VPS13B: variants seen among roughly 807,000 people sequenced by gnomAD.
VPS13B encodes intermembrane lipid transfer protein VPS13B.
VPS13B carries 285 observed loss-of-function variants against 426.4 expected under a neutral mutation model. The ratio of observed to expected loss-of-function variants is 0.67; its 90% CI spans 0.61 to 0.74. The LOEUF (loss-of-function observed/expected upper bound fraction) is 0.74, where lower values mean the gene tolerates loss of function less well. Ranked by LOEUF, VPS13B falls within the 30% of genes least tolerant of loss-of-function variation. The pLI is 0.00. For missense variants in VPS13B, 4,537 were observed against 4,782.6 expected, an observed-to-expected ratio of 0.95 and a Z score of 1.51; for synonymous variants, 1,676 against 1,676.4, an observed-to-expected ratio of 1.00 and a Z score of 0.01.
At chr8:99,117,090 A>G (rs1847698458) in intron 7 of VPS13B, among the ~76,000 whole-genome samples, 1 of 152,188 alleles carries the variant, frequency 6.6e-6, no homozygotes, top group Non-Finnish European at 1.5e-5. Flanking sequence ...CCTGAGACTC[A>G]GAAAGTTTTC....
chr8:99,327,394 G>T (rs1810332571), intron 19 of VPS13B, among the ~76,000 whole-genome samples: 1 of 152,112 alleles, frequency 6.6e-6, no homozygotes, highest in Admixed American at 6.6e-5. Context: ...AATATAGGTA[G>T]CCAGTCAAAT....
chr8:99,338,254 G>T (rs1432518799), intron 19 of VPS13B, among the ~76,000 whole-genome samples: 2 of 151,914 alleles, frequency 1.3e-5, no homozygotes, highest in Admixed American at 6.6e-5. Context: ...TTTTGATTGG[G>T]ATTTCATTGA....
intron 56 of VPS13B, 70 bp from the exon 57 acceptor site, chr8:99,859,234 C>A: frequency 1.9e-6 from 3 of 1,587,690 alleles, no homozygotes; most frequent in South Asian, 2.2e-5. Context: ...GAAAATGGGT[C>A]ACTTTTTCAC....
chr8:99,158,990 T>C (rs1484787556), intron 15 of VPS13B, among the ~76,000 whole-genome samples: 1 of 152,218 alleles, frequency 6.6e-6, no homozygotes, highest in Non-Finnish European at 1.5e-5. Flanking sequence ...GAAAACCTTT[T>C]GGAAAAGATT....
chr8:99,163,638 C>T (rs541406245), intron 15 of VPS13B, among the ~76,000 whole-genome samples: 11 of 152,334 alleles, frequency 7.2e-5, no homozygotes, highest in Admixed American at 4.6e-4. Context: ...AGCCACTGGC[C>T]GGGGTGCTAA....
intron 3 of VPS13B, among the ~76,000 whole-genome samples, chr8:99,088,051 G>T (rs963377210): frequency 6.6e-6 from 1 of 151,854 alleles, no homozygotes; most frequent in Non-Finnish European, 1.5e-5. Flanking sequence ...GGGCGTGGTG[G>T]CATGCACGTG....
intron 58 of VPS13B, among the ~76,000 whole-genome samples, chr8:99,864,461 G>A (rs1442361579): frequency 6.6e-6 from 1 of 152,144 alleles, no homozygotes; most frequent in Non-Finnish European, 1.5e-5. Flanking sequence ...AGGAGGCTGA[G>A]GTGGATCACT....
At chr8:99,851,936 AG>A (rs1022073926) in intron 55 of VPS13B, among the ~76,000 whole-genome samples, 2 of 152,116 alleles carry the variant, frequency 1.3e-5, no homozygotes, top group Non-Finnish European at 2.9e-5. Context: ...ACAAGCAAGC[AG>A]GGAGACTAGT....
At chr8:99,739,741 A>G (rs929886596) in intron 39 of VPS13B, among the ~76,000 whole-genome samples, 1 of 152,234 alleles carries the variant, frequency 6.6e-6, no homozygotes, top group Non-Finnish European at 1.5e-5. Flanking sequence ...GCAAACTCCA[A>G]CAGACCTGCA....
At chr8:99,487,399 T>C (rs1311836793) in intron 25 of VPS13B, among the ~76,000 whole-genome samples, 3 of 152,172 alleles carry the variant, frequency 2.0e-5, no homozygotes, top group Non-Finnish European at 2.9e-5. Flanking sequence ...TATTAACTTC[T>C]CAATCCTATC....
At chr8:99,568,543 G>A (rs1368822259) in intron 31 of VPS13B, among the ~76,000 whole-genome samples, 1 of 151,752 alleles carries the variant, frequency 6.6e-6, no homozygotes, top group African/African-American at 2.4e-5. Flanking sequence ...CACCCACCTC[G>A]GCCTCCCAAA....
At chr8:99,422,827 C>T (rs556593385) in intron 21 of VPS13B, among the ~76,000 whole-genome samples, 1 of 152,196 alleles carries the variant, frequency 6.6e-6, no homozygotes, top group African/African-American at 2.4e-5. Flanking sequence ...GGTACTCTCT[C>T]ACAGGCTTAC....
chr8:99,341,781 G>A (rs551188030), intron 19 of VPS13B: 278 of 365,542 alleles, frequency 7.6e-4, no homozygotes, highest in Non-Finnish European at 1.3e-3. Context: ...ACCCCCAGGC[G>A]TCCCACCAGA....
At chr8:99,079,540 G>T (rs1845331106) in intron 3 of VPS13B, among the ~76,000 whole-genome samples, 1 of 152,118 alleles carries the variant, frequency 6.6e-6, no homozygotes, top group Non-Finnish European at 1.5e-5. Flanking sequence ...AGTGTTTAAT[G>T]AATATTAAAT....
intron 11 of VPS13B, 52 bp from the exon 12 acceptor site, chr8:99,136,613 C>T: frequency 6.3e-7 from 1 of 1,596,114 alleles, no homozygotes; most frequent in Middle Eastern, 1.7e-4. Context: ...GCTTTAAACT[C>T]AAAAGTTTCT....
chr8:99,476,808 G>A (rs565701430), intron 24 of VPS13B, among the ~76,000 whole-genome samples: 1 of 152,174 alleles, frequency 6.6e-6, no homozygotes, highest in African/African-American at 2.4e-5. Flanking sequence ...ACTGCATACA[G>A]GAAGTACTAA....
chr8:99,408,672 A>G (rs1815461385), intron 21 of VPS13B, among the ~76,000 whole-genome samples: 1 of 152,186 alleles, frequency 6.6e-6, no homozygotes, highest in African/African-American at 2.4e-5. Context: ...AGATCCAGAC[A>G]ATTCCCTGGA....
At chr8:99,132,416 G>C (rs1809854572) in intron 8 of VPS13B, among the ~76,000 whole-genome samples, 1 of 152,092 alleles carries the variant, frequency 6.6e-6, no homozygotes, top group Admixed American at 6.5e-5. Context: ...TTCTTTAGTA[G>C]TTACTTCCTC....
In VPS13B at chr8:99,170,019, A is replaced by G; in HGVS notation, c.2209-20A>G. 5.6e-6 allele frequency: 9 copies of G among 1,611,758 alleles called. No individual in the cohort carries two copies. Among genetic ancestry groups the G allele is most frequent in the Non-Finnish European group, 7.6e-6 (9 of 1,178,190 alleles). Reference sequence around the variant, plus strand: ...AAACTTTGTCTGTGTGAACACTTGCATCTTTTCTTTTTGTTTTAGATATTT... The same window carrying G: ...AAACTTTGTCTGTGTGAACACTTGCGTCTTTTCTTTTTGTTTTAGATATTT... On this transcript the variant is annotated intron_variant, in intron 15 of 61. Coordinates refer to ENST00000357162, the MANE Select transcript of VPS13B (RefSeq NM_152564.5).
Sources: gnomAD v4.1 joint callset for allele counts (sites outside exome capture counted in the v4.1 genomes callset) on GRCh38, gnomAD v4.1.1 for gene constraint, MANE v1.5 for transcripts, NCBI Gene and HGNC (gene_info 2026-07-23, HGNC 2026-07-21) for gene names.